The following PRKN variants were observed in gnomAD, a reference collection of about 807,000 sequenced individuals.
PRKN encodes parkin RBR E3 ubiquitin protein ligase.
In PRKN, 56 loss-of-function variants were observed where a neutral mutation model predicts 59.5. The observed-to-expected ratio is 0.94, with a 90% confidence interval of 0.76 to 1.18. The LOEUF (loss-of-function observed/expected upper bound fraction) is 1.18, where lower values mean the gene tolerates loss of function less well. Among genes scored for constraint, PRKN ranks in the 50% most tolerant of loss-of-function variants. The probability of loss-of-function intolerance (pLI) is 0.00; values close to 1 mark genes in which losing one functional copy is unlikely to be tolerated. For missense variants in PRKN, 657 were observed against 596.4 expected, an observed-to-expected ratio of 1.10 and a Z score of -1.06; for synonymous variants, 250 against 222.1, an observed-to-expected ratio of 1.13 and a Z score of -1.12.
chr6:161,963,668 A>T (rs2128249159), intron 6 of PRKN, among the ~76,000 whole-genome samples: 1 of 152,398 alleles, frequency 6.6e-6, no homozygotes, highest in African/African-American at 2.4e-5. Context: ...TCTGAGTTAA[A>T]TAATTAACTC....
chr6:161,739,149 T>C (rs1213975799), intron 7 of PRKN, among the ~76,000 whole-genome samples: 2 of 152,294 alleles, frequency 1.3e-5, no homozygotes, highest in African/African-American at 2.4e-5. Flanking sequence ...GGCTCACACC[T>C]GTAATCCCAG....
intron 9 of PRKN, among the ~76,000 whole-genome samples, chr6:161,520,424 C>T (rs976349930): frequency 3.3e-5 from 5 of 151,984 alleles, no homozygotes; most frequent in African/African-American, 1.2e-4. Context: ...GATGGGGTTT[C>T]ACCATGTTGG....
intron 1 of PRKN, among the ~76,000 whole-genome samples, chr6:162,698,986 T>G (rs770143733): frequency 3.9e-5 from 6 of 152,268 alleles, no homozygotes; most frequent in Non-Finnish European, 7.4e-5. Flanking sequence ...GCTCTTCATT[T>G]CCATTAAAAG....
At chr6:161,715,385 C>A (rs930049261) in intron 7 of PRKN, among the ~76,000 whole-genome samples, 2 of 152,030 alleles carry the variant, frequency 1.3e-5, no homozygotes, top group African/African-American at 4.8e-5. Context: ...GCAGCCTTTT[C>A]TTGGTGGTGG....
At chr6:161,438,411 T>C (rs1407004717) in intron 9 of PRKN, among the ~76,000 whole-genome samples, 1 of 151,896 alleles carries the variant, frequency 6.6e-6, no homozygotes, top group Non-Finnish European at 1.5e-5. Context: ...AGAGATGGGG[T>C]TTCACCATGT....
At chr6:162,033,143 C>T (rs1582927792) in intron 5 of PRKN, among the ~76,000 whole-genome samples, 1 of 152,196 alleles carries the variant, frequency 6.6e-6, no homozygotes, top group African/African-American at 2.4e-5. Context: ...TTTCACAGCT[C>T]TTTACAAGTG....
chr6:161,607,506 G>A (rs1414787948), intron 7 of PRKN, among the ~76,000 whole-genome samples: 1 of 152,070 alleles, frequency 6.6e-6, no homozygotes, highest in East Asian at 1.9e-4. Context: ...AAAATATTTG[G>A]AGAAAAAGAA....
chr6:162,150,573 A>T (rs1199150360), intron 4 of PRKN, among the ~76,000 whole-genome samples: 5 of 152,176 alleles, frequency 3.3e-5, no homozygotes, highest in Non-Finnish European at 7.4e-5. Context: ...TTTGCAACAG[A>T]TCTCACACCG....
chr6:162,269,187 T>A (rs1428678359), intron 2 of PRKN, among the ~76,000 whole-genome samples: 1 of 152,152 alleles, frequency 6.6e-6, no homozygotes, highest in African/African-American at 2.4e-5. Flanking sequence ...AAGACTGCAC[T>A]TATCACGTCG....
intron 7 of PRKN, among the ~76,000 whole-genome samples, chr6:161,681,954 T>C (rs764711932): frequency 3.9e-5 from 6 of 152,140 alleles, no homozygotes; most frequent in Non-Finnish European, 7.4e-5. Flanking sequence ...GCCTCCTGGG[T>C]TCTGTGAAAG....
At chr6:161,622,622 G>A (rs143663331) in intron 7 of PRKN, among the ~76,000 whole-genome samples, 1 of 152,160 alleles carries the variant, frequency 6.6e-6, no homozygotes, top group African/African-American at 2.4e-5. Flanking sequence ...GAGAGGTTCT[G>A]TTCCTCTTCT....
At chr6:162,658,658 C>CAAA (rs57853171) in intron 1 of PRKN, among the ~76,000 whole-genome samples, 1 of 109,102 alleles carries the variant, frequency 9.2e-6, no homozygotes, top group Non-Finnish European at 1.9e-5. Flanking sequence ...GAGACTCTGT[C>CAAA]AAAAAAAAAA....
chr6:162,467,564 C>T (rs1392590947), intron 1 of PRKN, among the ~76,000 whole-genome samples: 2 of 152,142 alleles, frequency 1.3e-5, no homozygotes, highest in Non-Finnish European at 2.9e-5. Flanking sequence ...TTAGATTTCT[C>T]TACCTCTCTC....
chr6:161,703,852 T>C (rs963249464), intron 7 of PRKN, among the ~76,000 whole-genome samples: 336 of 13,712 alleles, frequency 0.025, 4 homozygotes, highest in African/African-American at 0.053. Flanking sequence ...TTTTTTTTTT[T>C]TTTTTTTTTT....
intron 2 of PRKN, among the ~76,000 whole-genome samples, chr6:162,267,662 T>C (rs765404328): frequency 1.3e-5 from 2 of 152,292 alleles, no homozygotes; most frequent in Non-Finnish European, 2.9e-5. Context: ...ACAAACCAAG[T>C]AGGTATTTCT....
intron 7 of PRKN, among the ~76,000 whole-genome samples, chr6:161,733,812 A>ACG (rs1331359524): frequency 7.1e-6 from 1 of 140,698 alleles, no homozygotes; most frequent in African/African-American, 2.8e-5. Context: ...ATATATATAT[A>ACG]TATATATATG....
intron 6 of PRKN, among the ~76,000 whole-genome samples, chr6:161,971,868 C>CAG (rs763088795): frequency 2.6e-5 from 4 of 152,126 alleles, no homozygotes; most frequent in Non-Finnish European, 4.4e-5. Context: ...TTCCAAAAGC[C>CAG]AGAGAGAGAC....
intron 1 of PRKN, among the ~76,000 whole-genome samples, chr6:162,534,008 A>G (rs1778618366): frequency 6.6e-6 from 1 of 151,940 alleles, no homozygotes; most frequent in Non-Finnish European, 1.5e-5. Context: ...AGGAGGATTA[A>G]TAAGACAAAT....
At chr6:162,700,200 T>G (rs1290431980) in intron 1 of PRKN, among the ~76,000 whole-genome samples, 1 of 152,196 alleles carries the variant, frequency 6.6e-6, no homozygotes, top group Non-Finnish European at 1.5e-5. Context: ...CTTAGGCATG[T>G]TAAACAAATT....
Sources: gnomAD v4.1 joint callset for allele counts (sites outside exome capture counted in the v4.1 genomes callset) on GRCh38, gnomAD v4.1.1 for gene constraint, MANE v1.5 for transcripts, NCBI Gene and HGNC (gene_info 2026-07-23, HGNC 2026-07-21) for gene names.